The following ASTN2 variants were observed in gnomAD, a reference collection of about 807,000 sequenced individuals.
ASTN2 encodes the protein astrotactin 2, also known as astrotactin-2.
Under a neutral mutation model 139.8 loss-of-function variants are expected in ASTN2, and 54 were observed. That is an observed-to-expected ratio of 0.39 (90% CI 0.31 to 0.48). The LOEUF (loss-of-function observed/expected upper bound fraction) is 0.48. Among genes scored for constraint, ASTN2 ranks in the 20% least tolerant of loss-of-function variants. The pLI is 0.95. For missense variants in ASTN2, 1,565 were observed against 1,725.1 expected (o/e 0.91, Z 1.64); for synonymous variants, 756 against 719.5 (o/e 1.05, Z -0.81).
At chr9:116,919,022 A>T (rs2132432654) in intron 10 of ASTN2, among the ~76,000 whole-genome samples, 1 of 151,166 alleles carries the variant, frequency 6.6e-6, no homozygotes, top group South Asian at 2.1e-4. Flanking sequence ...TTTTTTTTTT[A>T]AACTTCCCTG....
At chr9:116,528,369 A>T (rs1164427527) in intron 19 of ASTN2, among the ~76,000 whole-genome samples, 5 of 152,172 alleles carry the variant, frequency 3.3e-5, no homozygotes, top group Non-Finnish European at 7.3e-5. Context: ...GGCAGAAAAA[A>T]TTTCTAAGCA....
At chr9:117,306,052 A>G (rs1834990549) in intron 1 of ASTN2, among the ~76,000 whole-genome samples, 1 of 152,206 alleles carries the variant, frequency 6.6e-6, no homozygotes, top group Admixed American at 6.5e-5. Flanking sequence ...GAAAAGATAC[A>G]TCCTTTGAAT....
Position 116,664,302 on chromosome 9 carries a change from A to C in ASTN2, c.2807-12509T>G, listed in dbSNP as rs377535758. 2.0e-5 allele frequency among the ~76,000 whole-genome samples: 3 copies of C among 151,768 alleles called. No individual in the cohort carries two copies. The South Asian group carries it at 6.3e-4, about 32-fold the overall frequency. On this transcript the variant is annotated intron_variant, in intron 16 of 22. Transcript: ENST00000313400. ...CACTATGTTGCCTAGGTTGGTCTTG[A>C]ACTTGTAAGCTCAAGGAATCCACCC...
At chr9:116,633,113 G>T (rs944256008) in intron 17 of ASTN2, among the ~76,000 whole-genome samples, 2 of 152,186 alleles carry the variant, frequency 1.3e-5, no homozygotes, top group Non-Finnish European at 2.9e-5. Context: ...CAAATCATTT[G>T]TCCTGCCTGT....
chr9:116,712,175 A>G (rs1448873052), intron 16 of ASTN2, among the ~76,000 whole-genome samples: 1 of 151,940 alleles, frequency 6.6e-6, no homozygotes, highest in African/African-American at 2.4e-5. Flanking sequence ...TCTCAGGGAC[A>G]TTTTTGTACA....
rs568604540 is a variant in ASTN2, at chr9:116,653,141, G to A, written c.2807-1348C>T. On this transcript the variant is annotated intron_variant, in intron 16 of 22. Coordinates refer to ENST00000313400, the MANE Select transcript of ASTN2 (RefSeq NM_001365068.1). ...GCTCCCATTCCTACCCACTTTCAGTGCCAAACATGGTGCGACGGATGTATT... is the reference window on the plus strand; with the variant it reads ...GCTCCCATTCCTACCCACTTTCAGTACCAAACATGGTGCGACGGATGTATT... Among the ~76,000 whole-genome samples, 5 of 152,302 alleles carry A rather than the reference G, an allele frequency of 3.3e-5. No homozygotes were observed. In the East Asian group the frequency reaches 5.8e-4, roughly 18 times the overall value.
intron 11 of ASTN2, among the ~76,000 whole-genome samples, chr9:116,861,072 T>C (rs1832864159): frequency 6.6e-6 from 1 of 152,152 alleles, no homozygotes; most frequent in Non-Finnish European, 1.5e-5. Flanking sequence ...ACATCCTCAA[T>C]CTAGAGAGGA....
At chr9:117,174,716 A>G (rs1830875566) in intron 3 of ASTN2, among the ~76,000 whole-genome samples, 1 of 152,018 alleles carries the variant, frequency 6.6e-6, no homozygotes, top group Non-Finnish European at 1.5e-5. Context: ...TTGATGCTGA[A>G]AGAGTATTTA....
At chr9:116,722,594 C>T (rs761767405) in intron 16 of ASTN2, among the ~76,000 whole-genome samples, 4 of 152,114 alleles carry the variant, frequency 2.6e-5, no homozygotes, top group Non-Finnish European at 4.4e-5. Flanking sequence ...ATCTTCTTGG[C>T]CTTTTGCCTC....
intron 5 of ASTN2, among the ~76,000 whole-genome samples, chr9:117,062,519 AT>A (rs200683839): frequency 3.3e-5 from 5 of 152,186 alleles, no homozygotes; most frequent in African/African-American, 9.6e-5. Context: ...ATTTTTAAAC[AT>A]TTTTTTTCCT....
At chr9:116,533,392 G>A (rs543887347) in intron 19 of ASTN2, among the ~76,000 whole-genome samples, 7 of 152,186 alleles carry the variant, frequency 4.6e-5, no homozygotes, top group East Asian at 3.9e-4. Context: ...AACTCCCAAC[G>A]CTATGTTGAA....
At chr9:117,319,746 A>G (rs1257355086) in intron 1 of ASTN2, among the ~76,000 whole-genome samples, 2 of 152,104 alleles carry the variant, frequency 1.3e-5, no homozygotes, top group Non-Finnish European at 2.9e-5. Flanking sequence ...TTCACAGGGC[A>G]TTATTAAGGC....
At chr9:116,766,421 T>C (rs868855244) in intron 13 of ASTN2, among the ~76,000 whole-genome samples, 12 of 151,568 alleles carry the variant, frequency 7.9e-5, no homozygotes, top group Non-Finnish European at 1.0e-4. Context: ...CACAAACACA[T>C]ACATTCACAC....
intron 20 of ASTN2, among the ~76,000 whole-genome samples, chr9:116,449,891 A>G (rs1456695754): frequency 2.6e-5 from 4 of 152,170 alleles, no homozygotes; most frequent in Non-Finnish European, 5.9e-5. Context: ...GAGCCTTCAG[A>G]TAATTCTCAC....
chr9:116,797,638 C>T (rs1188978118), intron 13 of ASTN2, among the ~76,000 whole-genome samples: 1 of 152,216 alleles, frequency 6.6e-6, no homozygotes, highest in African/African-American at 2.4e-5. Flanking sequence ...CCTTGAAAAT[C>T]AGAAGCTAAT....
chr9:116,863,740 G>A lies in ASTN2; in HGVS notation c.1890-7C>T. 1 of 1,607,776 alleles carries A rather than the reference G, an allele frequency of 6.2e-7. No homozygotes were observed. The highest frequency in any genetic ancestry group is 8.5e-7 in the Non-Finnish European group (1 of 1,175,682). The stretch of plus-strand genomic sequence containing the variant: ...GGACAGCATCGCTTCTTCCCTTGGA[G>A]AGAAAGGGGATGGTTAAACCCCAGA... On this transcript the variant is annotated splice_polypyrimidine_tract_variant and splice_region_variant and intron_variant, in intron 10 of 22. Transcript: ENST00000313400.
chr9:117,281,442 A>C (rs1564123899), intron 2 of ASTN2, among the ~76,000 whole-genome samples: 1 of 152,166 alleles, frequency 6.6e-6, no homozygotes. Flanking sequence ...GGATTAATTG[A>C]AGGGAGAGGC....
intron 10 of ASTN2, among the ~76,000 whole-genome samples, chr9:116,933,955 C>T (rs1266588330): frequency 8.8e-6 from 1 of 114,088 alleles, no homozygotes; most frequent in African/African-American, 3.1e-5. Context: ...GCCCTGGAGA[C>T]CTCAGTTGTG....
At chr9:116,429,419 T>C (rs1162524985) in intron 22 of ASTN2, among the ~76,000 whole-genome samples, 1 of 144,664 alleles carries the variant, frequency 6.9e-6, no homozygotes, top group Non-Finnish European at 1.5e-5. Context: ...TACTTACAGG[T>C]GTTGGTTTGA....
Sources: allele counts gnomAD v4.1 joint callset (sites outside exome capture counted in the v4.1 genomes callset), GRCh38; gene constraint gnomAD v4.1.1; transcripts MANE v1.5; gene names NCBI Gene and HGNC (gene_info 2026-07-23, HGNC 2026-07-21).